SYNJ1: variants seen among roughly 807,000 people sequenced by gnomAD.
The protein encoded by SYNJ1 is synaptojanin 1.
SYNJ1 carries 78 observed loss-of-function variants against 168.2 expected under a neutral mutation model. The ratio of observed to expected loss-of-function variants is 0.46; its 90% confidence interval spans 0.39 to 0.56. The LOEUF (loss-of-function observed/expected upper bound fraction) is 0.56, where lower values mean the gene tolerates loss of function less well. Among genes scored for constraint, SYNJ1 ranks in the 20% least tolerant of loss-of-function variants. SYNJ1 has a pLI of 0.00. For missense variants in SYNJ1, 1,303 were observed against 1,597.6 expected (o/e 0.82, Z 3.14); for synonymous variants, 539 against 548.6 (o/e 0.98, Z 0.24).
chr21:32,728,129 G>C (rs995900856), upstream of SYNJ1: 10 of 1,398,076 alleles, frequency 7.2e-6, no homozygotes, highest in East Asian at 1.7e-4. Flanking sequence ...TGCGCCGACC[G>C]GCTGGGCCTG....
At chr21:32,726,677 G>C (rs1049049448) in intron 2 of SYNJ1, 95 bp downstream of exon 2, 2 of 1,460,998 alleles carry the variant, frequency 1.4e-6, no homozygotes, top group African/African-American at 2.8e-5. Flanking sequence ...TACAGTGAAA[G>C]GGTTGTCGGG....
At chr21:32,714,552 G>T (rs2042954873) in intron 2 of SYNJ1, among the ~76,000 whole-genome samples, 1 of 152,164 alleles carries the variant, frequency 6.6e-6, no homozygotes. Flanking sequence ...GTAATAGAGA[G>T]AATGTGTGAA....
chr21:32,656,930 TTAGAAATG>T lies in SYNJ1; in HGVS notation c.2580-36_2580-29del, dbSNP rs2040480850. 2.5e-6 allele frequency: 4 copies of T among 1,611,332 alleles called. No individual in the cohort carries two copies. The African/African-American group carries it at 5.4e-5, about 22-fold the overall frequency. ...TAAGGCATAAAGGAAGATAGATGTA[TTAGAAATG>T]TTTTTAAAAGGGTGTATTTCAAACA... On this transcript the variant is annotated intron_variant, in intron 20 of 32. Transcript: ENST00000674351.
chr21:32,695,515 T>C (rs1176534058), intron 4 of SYNJ1, among the ~76,000 whole-genome samples: 1 of 152,174 alleles, frequency 6.6e-6, no homozygotes, highest in Non-Finnish European at 1.5e-5. Flanking sequence ...GTTTTTAGTA[T>C]CTGTGGCCCA....
At chr21:32,632,892 C>T (rs1387978176) in intron 32 of SYNJ1, among the ~76,000 whole-genome samples, 3 of 151,940 alleles carry the variant, frequency 2.0e-5, no homozygotes, top group Non-Finnish European at 2.9e-5. Flanking sequence ...TGGTGGTGCG[C>T]GCCTATAATC....
In SYNJ1 at chr21:32,679,031, T is replaced by G. The variant is rs146106986; in HGVS notation, c.1354-230A>C. On this transcript the variant is annotated intron_variant, in intron 11 of 32. Transcript: ENST00000674351. ...TGCACAAAGAAATGAAAAAGCTCAGTGCTACAACCTCATCCAGTAATTACA... is the reference window on the plus strand; with the variant it reads ...TGCACAAAGAAATGAAAAAGCTCAGGGCTACAACCTCATCCAGTAATTACA... Among the ~76,000 whole-genome samples, 415 of 152,304 alleles carry G rather than the reference T, an allele frequency of 2.7e-3. 7 individuals carry two copies. Among genetic ancestry groups the G allele is most frequent in the Admixed American group, 0.023 (358 of 15,278 alleles).
At chr21:32,654,965 C>T (rs1030692417) in intron 21 of SYNJ1, among the ~76,000 whole-genome samples, 7 of 152,158 alleles carry the variant, frequency 4.6e-5, no homozygotes, top group African/African-American at 9.7e-5. Flanking sequence ...TCAGTGTTTG[C>T]TTTTTCTCTT....
chr21:32,667,111 CA>C lies in SYNJ1; in HGVS notation c.1812-539del, dbSNP rs138649719. On this transcript the variant is annotated intron_variant, in intron 15 of 32. Coordinates refer to ENST00000674351, the MANE Select transcript of SYNJ1 (RefSeq NM_203446.3). Reference sequence around the variant, plus strand: ...CAAAAAAGTCTGCAAGTAAAAAAGACAAAAAAAAAAAGGCTACACATGTTCA... The same window carrying C: ...CAAAAAAGTCTGCAAGTAAAAAAGACAAAAAAAAAAGGCTACACATGTTCA... Among the ~76,000 whole-genome samples, 442 of 121,662 alleles carry C rather than the reference CA, an allele frequency of 3.6e-3. 2 individuals are homozygous for C. Among genetic ancestry groups the C allele is most frequent in the African/African-American group, 7.6e-3 (246 of 32,294 alleles). The allele number at this position is 121,662 out of a possible 152,430, so 79.8% of individuals were successfully genotyped here. A position where few individuals can be genotyped will look rare whatever the true frequency, so the allele number is the denominator to read the frequency against.
chr21:32,652,860 T>C (rs1257648569), intron 22 of SYNJ1, among the ~76,000 whole-genome samples: 1 of 152,222 alleles, frequency 6.6e-6, no homozygotes, highest in East Asian at 1.9e-4. Flanking sequence ...TTGAAGAAGA[T>C]AACTAGGTAA....
intron 2 of SYNJ1, among the ~76,000 whole-genome samples, chr21:32,706,993 T>C (rs549611854): frequency 1.3e-5 from 2 of 152,356 alleles, no homozygotes; most frequent in African/African-American, 2.4e-5. Flanking sequence ...TTTCCCTTAA[T>C]AATCTCCCTT....
intron 14 of SYNJ1, among the ~76,000 whole-genome samples, chr21:32,672,333 T>A (rs1336367650): frequency 6.6e-6 from 1 of 151,898 alleles, no homozygotes; most frequent in East Asian, 1.9e-4. Flanking sequence ...TTTTTCTTTC[T>A]TTCTTTTTTT....
At chr21:32,714,499 A>G (rs2042951695) in intron 2 of SYNJ1, among the ~76,000 whole-genome samples, 1 of 152,228 alleles carries the variant, frequency 6.6e-6, no homozygotes, top group Non-Finnish European at 1.5e-5. Context: ...AGGCAGTTGC[A>G]TGGAATCTCA....
At chr21:32,669,724 C>T (rs919381406) in intron 15 of SYNJ1, among the ~76,000 whole-genome samples, 18 of 152,126 alleles carry the variant, frequency 1.2e-4, no homozygotes, top group Non-Finnish European at 2.2e-4. Flanking sequence ...AATAAATTAT[C>T]TGTTTTGGTG....
intron 18 of SYNJ1, among the ~76,000 whole-genome samples, chr21:32,660,550 T>A (rs2040651747): frequency 6.6e-6 from 1 of 152,172 alleles, no homozygotes; most frequent in Non-Finnish European, 1.5e-5. Context: ...AGACTGGGAG[T>A]TATACATGGA....
intron 1 of SYNJ1, 36 bp downstream of exon 1, chr21:32,727,910 C>A (rs1334306917): frequency 1.3e-6 from 2 of 1,531,354 alleles, no homozygotes; most frequent in South Asian, 2.4e-5. Flanking sequence ...GTGGGTCTGG[C>A]CGCAGCAGCT....
chr21:32,727,986 C>G lies in SYNJ1; in HGVS notation c.-63G>C. 3 of 1,535,544 alleles carry G rather than the reference C, an allele frequency of 2.0e-6. No homozygotes were observed. The highest frequency in any genetic ancestry group is 2.6e-6 in the Non-Finnish European group (3 of 1,145,924). ...CTCCTCCTCCTTCTCCCGCAGCCGC[C>G]GCCACAGCCGCCGGGAGCGTCACTT... On this transcript the variant is annotated 5_prime_UTR_variant, in exon 1 of 33. Coordinates refer to ENST00000674351, the MANE Select transcript of SYNJ1 (RefSeq NM_203446.3).
intron 18 of SYNJ1, among the ~76,000 whole-genome samples, chr21:32,659,258 C>G (rs942094346): frequency 3.3e-5 from 5 of 151,398 alleles, no homozygotes; most frequent in African/African-American, 1.2e-4. Context: ...AAACTATCAC[C>G]AAGGAAAAAA....
At chr21:32,664,800 T>C (rs1029845972) in intron 18 of SYNJ1, 113 bp downstream of exon 18, 1 of 829,356 alleles carries the variant, frequency 1.2e-6, no homozygotes, top group African/African-American at 1.7e-5. Context: ...TACCTACAGA[T>C]GCATATTTAA....
At chr21:32,692,449 C>T (rs550578160) in intron 6 of SYNJ1, among the ~76,000 whole-genome samples, 13 of 152,128 alleles carry the variant, frequency 8.5e-5, no homozygotes, top group African/African-American at 3.1e-4. Flanking sequence ...TGGTGGCACG[C>T]GCCTATAGTC....
Sources: gnomAD v4.1 joint callset for allele counts (sites outside exome capture counted in the v4.1 genomes callset) on GRCh38, gnomAD v4.1.1 for gene constraint, MANE v1.5 for transcripts, NCBI Gene and HGNC (gene_info 2026-07-23, HGNC 2026-07-21) for gene names.